The following PRDM7 variants were observed in gnomAD, a reference collection of about 807,000 sequenced individuals.
The protein encoded by PRDM7 is histone-lysine N-methyltransferase PRDM7.
A neutral mutation model predicts 64.3 loss-of-function variants in PRDM7; 52 were observed. That is an observed-to-expected ratio of 0.81 (90% CI 0.65 to 1.02). The LOEUF (loss-of-function observed/expected upper bound fraction) is 1.02. PRDM7 is among the 50% of genes least tolerant of loss of function. PRDM7 has a pLI of 0.00. For synonymous variants in PRDM7, 192 were observed against 210.1 expected, an observed-to-expected ratio of 0.91 and a Z score of 0.74; for missense variants, 574 against 597.1, an observed-to-expected ratio of 0.96 and a Z score of 0.40.
At chr16:90,066,739 C>T (rs1567877899) in intron 5 of PRDM7, 122 bp downstream of exon 5, 24 of 844,686 alleles carry the variant, frequency 2.8e-5, no homozygotes, top group South Asian at 1.5e-4. Flanking sequence ...GCAGACACTG[C>T]GCTAAAGAGA....
rs1286060293 is a variant in PRDM7 at position 90,057,264 on chromosome 16, G to A, written c.*1025C>T. The A allele has an allele frequency of 6.5e-6, 1 of 154,294 alleles. No individual in the cohort carries two copies. The highest frequency in any genetic ancestry group is 1.4e-5 in the Non-Finnish European group (1 of 69,514). The allele number at this position is 154,294 out of a possible 1,614,324, so 9.6% of individuals were successfully genotyped here. On this transcript the variant is annotated 3_prime_UTR_variant, in exon 11 of 11. Coordinates refer to ENST00000449207, the MANE Select transcript of PRDM7 (RefSeq NM_001098173.2). ...CAAGGGGGAGTATGGCAGCAGAGGA[G>A]AGGGGTCCATTAGAAGAGGTCACAC...
chr16:90,074,232 C>A (rs1332379892), intron 4 of PRDM7, among the ~76,000 whole-genome samples: 1 of 151,880 alleles, frequency 6.6e-6, no homozygotes, highest in South Asian at 2.1e-4. Flanking sequence ...TGCACTCCAG[C>A]CTGGGTGACA....
At chr16:90,065,954 G>T (rs1421662931) in intron 5 of PRDM7, among the ~76,000 whole-genome samples, 1 of 151,132 alleles carries the variant, frequency 6.6e-6, no homozygotes, top group Non-Finnish European at 1.5e-5. Context: ...GAATCAGGAA[G>T]GGACTAGACT....
Position 90,058,453 on chromosome 16 carries a change from C to T in PRDM7, c.1315G>A (p.Ala439Thr), listed in dbSNP as rs146357476. The change falls in exon 11 of 11, where the codon GCA becomes ACA. Residue 439 changes from alanine (A) to threonine (T), a missense_variant. Ala to Thr is a moderately conservative substitution (Grantham distance 58, BLOSUM62 0). Transcript: ENST00000449207. ...VKNFSVNMWN[A>T]ITPLRTSQDH... ...TGGGAAGTTCTGAGAGGAGTGATTG[C>T]GTTCCACATGTTGACTGAGAAATTT... 1,307 of 1,614,124 alleles carry T rather than the reference C, an allele frequency of 8.1e-4. 20 individuals carry two copies. In the South Asian group the frequency reaches 0.013, roughly 16 times the overall value.
chr16:90,067,084 C>G (rs1012097614), intron 4 of PRDM7, among the ~76,000 whole-genome samples, 174 bp from the exon 5 acceptor site: 2 of 151,196 alleles, frequency 1.3e-5, no homozygotes, highest in Non-Finnish European at 2.9e-5. Flanking sequence ...CCTGCCTCAG[C>G]CTTGTGAGTT....
chr16:90,070,934 T>A (rs1227708651), intron 4 of PRDM7, among the ~76,000 whole-genome samples: 1 of 152,214 alleles, frequency 6.6e-6, no homozygotes, highest in Non-Finnish European at 1.5e-5. Flanking sequence ...ATGCTTAACA[T>A]CACTAATCAT....
chr16:90,065,123 C>T (rs2037849392), intron 5 of PRDM7, among the ~76,000 whole-genome samples: 1 of 150,316 alleles, frequency 6.7e-6, no homozygotes, highest in Admixed American at 6.6e-5. Flanking sequence ...TTATTCTCGC[C>T]AGGCACAGTG....
chr16:90,075,914 G>A lies in PRDM7; in HGVS notation c.-4C>T. ...CTTGGGACCTTTCAGGGCTCATGGT[G>A]CTGGGACTGTCTAGAAGGCCCTGCT... is the stretch of plus-strand genomic sequence containing the variant. On this transcript the variant is annotated 5_prime_UTR_variant, in exon 2 of 11. Coordinates refer to ENST00000449207, the MANE Select transcript of PRDM7 (RefSeq NM_001098173.2). The surrounding 1 kb of genome is among the most constrained non-coding windows in gnomAD (Gnocchi z 4.3). 6.2e-7 allele frequency: 1 copy of A among 1,613,522 alleles called. No individual in the cohort carries two copies. Among genetic ancestry groups the A allele is most frequent in the Non-Finnish European group, 8.5e-7 (1 of 1,179,720 alleles).
chr16:90,061,778 C>T, intron 8 of PRDM7, 143 bp downstream of exon 8: 1 of 1,367,932 alleles, frequency 7.3e-7, no homozygotes, highest in Non-Finnish European at 1.0e-6. Context: ...ATAGGAGTTC[C>T]ATGTTCATGC....
chr16:90,075,394 G>C lies in PRDM7; in HGVS notation c.150C>G (p.Arg50=), dbSNP rs1175876273. The C allele has an allele frequency of 6.2e-7, 1 of 1,614,178 alleles. No homozygotes were observed. The highest frequency in any genetic ancestry group is 8.5e-7 in the Non-Finnish European group (1 of 1,180,046). Residue 50 remains arginine (R), a synonymous_variant, in exon 3 of 11, where the codon CGC becomes CGG. Coordinates refer to ENST00000449207, the MANE Select transcript of PRDM7 (RefSeq NM_001098173.2). The surrounding 1 kb of genome is among the most constrained non-coding windows in gnomAD (Gnocchi z 4.3). The stretch of plus-strand genomic sequence containing the variant: ...TATAGTTCATTTTCACATTCCTATA[G>C]CGAGTTTTCTCCCAGTCTCCCATTT... ...WAEMGDWEKT[R]YRNVKMNYNA...
At chr16:90,058,851 G>T (rs1184995123) in intron 10 of PRDM7, among the ~76,000 whole-genome samples, 1 of 152,072 alleles carries the variant, frequency 6.6e-6, no homozygotes, top group South Asian at 2.1e-4. Context: ...CATGCCACAG[G>T]TATCTTCCAA....
At chr16:90,062,249 G>A (rs2037792991) in intron 7 of PRDM7, 57 bp from the exon 8 acceptor site, 2 of 1,614,158 alleles carry the variant, frequency 1.2e-6, no homozygotes, top group Admixed American at 1.7e-5. Flanking sequence ...CTTGATATAA[G>A]AGCTTCAGAA....
chr16:90,075,810 G>A lies in PRDM7; in HGVS notation c.69+32C>T. ...AGCACTCCAGAGATCAGCTCCTGCT[G>A]GGAGTCTGGCTTCGCCTCCCCGACT... On this transcript the variant is annotated intron_variant, in intron 2 of 10. Transcript: ENST00000449207. This position sits in a 1 kb window ranked among gnomAD's most constrained non-coding sequence, Gnocchi z 4.3. 6.2e-7 allele frequency: 1 copy of A among 1,606,380 alleles called. No individual in the cohort carries two copies. Among genetic ancestry groups the A allele is most frequent in the Non-Finnish European group, 8.5e-7 (1 of 1,174,552 alleles).
intron 6 of PRDM7, among the ~76,000 whole-genome samples, 187 bp from the exon 7 acceptor site, chr16:90,062,689 A>G (rs1223072659): frequency 6.6e-6 from 1 of 152,198 alleles, no homozygotes; most frequent in Non-Finnish European, 1.5e-5. Context: ...TGCCTATTCA[A>G]TTTTAGTTTC....
intron 4 of PRDM7, among the ~76,000 whole-genome samples, chr16:90,069,562 G>C (rs927588496): frequency 3.3e-5 from 5 of 151,256 alleles, no homozygotes; most frequent in African/African-American, 9.8e-5. Context: ...TCAACACAGT[G>C]TCAAGGCATC....
intron 10 of PRDM7, 144 bp downstream of exon 10, chr16:90,060,197 T>C: frequency 8.1e-7 from 1 of 1,231,960 alleles, no homozygotes; most frequent in Admixed American, 2.3e-5. Flanking sequence ...GCATATAACA[T>C]GAATCTTTAA....
In PRDM7 at chr16:90,057,543, A is replaced by C. The variant is rs1355761272; in HGVS notation, c.*746T>G. On this transcript the variant is annotated 3_prime_UTR_variant, in exon 11 of 11. Transcript: ENST00000449207. ...TGGGGTTCAGATATGTATGGAGACA[A>C]AATTAATTAGAACAGGAGGCAAAAC... 3.2e-6 allele frequency: 1 copy of C among 307,994 alleles called. No individual in the cohort carries two copies. 19.1% of individuals were successfully genotyped at this position (307,994 alleles called of 1,614,324 possible).
chr16:90,065,718 G>C (rs1049703987), intron 5 of PRDM7, among the ~76,000 whole-genome samples: 2 of 151,536 alleles, frequency 1.3e-5, no homozygotes, highest in Admixed American at 6.6e-5. Context: ...CTTGGCGCAA[G>C]AGCCAGACTC....
intron 6 of PRDM7, among the ~76,000 whole-genome samples, chr16:90,062,837 A>C (rs1170594967): frequency 6.6e-6 from 1 of 152,224 alleles, no homozygotes; most frequent in Non-Finnish European, 1.5e-5. Context: ...GACATACAAC[A>C]CTAAGAAAGT....
Sources: gnomAD v4.1 joint callset for allele counts (sites outside exome capture counted in the v4.1 genomes callset) on GRCh38, gnomAD v4.1.1 for gene constraint, Gnocchi (gnomAD v3.1) non-coding constraint, MANE v1.5 for transcripts, NCBI Gene and HGNC (gene_info 2026-07-23, HGNC 2026-07-21) for gene names.